Variants in CELF2 observed in about 807,000 individuals in gnomAD.
CELF2 encodes the protein CUGBP Elav-like family member 2.
In CELF2, 8 loss-of-function variants were observed where a neutral mutation model predicts 62.6. That is an observed-to-expected ratio of 0.13 (90% CI 0.07 to 0.23). The LOEUF (loss-of-function observed/expected upper bound fraction) is 0.23. Ranked by LOEUF, CELF2 falls within the 10% of genes least tolerant of loss-of-function variation. The pLI is 1.00. For synonymous variants in CELF2, 258 were observed against 250.0 expected (o/e 1.03, Z -0.30); for missense variants, 333 against 671.0 (o/e 0.50, Z 5.56).
upstream of CELF2, among the ~76,000 whole-genome samples, chr10:10,796,367 A>G (rs150063532): frequency 7.0e-4 from 106 of 152,342 alleles, no homozygotes; most frequent in African/African-American, 2.4e-3. Flanking sequence ...CTGTTTCTGT[A>G]CTTGGGCTTG....
At chr10:11,063,436 G>C (rs1271940534) in intron 1 of CELF2, among the ~76,000 whole-genome samples, 2 of 152,194 alleles carry the variant, frequency 1.3e-5, no homozygotes, top group South Asian at 2.1e-4. Context: ...ATTGAAACTA[G>C]AGAATTTTAA....
the CELF2 span, among the ~76,000 whole-genome samples, chr10:10,790,582 C>T: frequency 6.6e-5 from 10 of 152,040 alleles, no homozygotes; most frequent in Non-Finnish European, 1.0e-4. Context: ...AAAGATATTA[C>T]GGCAAGCAAG....
the CELF2 span, among the ~76,000 whole-genome samples, chr10:10,540,160 G>A: frequency 6.6e-6 from 1 of 152,310 alleles, no homozygotes; most frequent in Non-Finnish European, 1.5e-5. Context: ...AGATGAAAAG[G>A]GACTTCAAAG....
In CELF2 at chr10:11,117,935, A is replaced by G. The variant is rs936951576; in HGVS notation, c.75-47551A>G. On this transcript the variant is annotated intron_variant, in intron 1 of 12. Transcript: ENST00000633077. This position sits in a 1 kb window ranked among gnomAD's most constrained non-coding sequence, Gnocchi z 4.1. Reference sequence around the variant, plus strand: ...TTATAAGGCAGAATGCTTTGAATGCATTCTGCCTCAAAAGGCATTTTGCTC... The same window carrying G: ...TTATAAGGCAGAATGCTTTGAATGCGTTCTGCCTCAAAAGGCATTTTGCTC... Among the ~76,000 whole-genome samples, 1 of 152,188 alleles carries G rather than the reference A, an allele frequency of 6.6e-6. No homozygotes were observed. The highest frequency in any genetic ancestry group is 1.9e-4 in the East Asian group (1 of 5,196).
the CELF2 span, among the ~76,000 whole-genome samples, chr10:10,615,885 T>A: frequency 1.3e-5 from 2 of 152,110 alleles, no homozygotes; most frequent in African/African-American, 4.8e-5. Flanking sequence ...AGTGCAAGAA[T>A]GAACTAATAT....
intron 12 of CELF2, among the ~76,000 whole-genome samples, chr10:11,326,359 T>A (rs2095726669): frequency 6.6e-6 from 1 of 152,234 alleles, no homozygotes; most frequent in Non-Finnish European, 1.5e-5. Flanking sequence ...CAGACACCCA[T>A]TCATCAGCAC....
chr10:11,320,167 T>C (rs911679263), intron 10 of CELF2, among the ~76,000 whole-genome samples: 3 of 152,194 alleles, frequency 2.0e-5, no homozygotes, highest in African/African-American at 7.2e-5. Context: ...TGAGTTGATA[T>C]GAAAGTTAGC....
At chr10:11,152,364 T>C (rs1250845236) in intron 1 of CELF2, among the ~76,000 whole-genome samples, 1 of 152,134 alleles carries the variant, frequency 6.6e-6, no homozygotes, top group Non-Finnish European at 1.5e-5. Flanking sequence ...CATTGTGTTC[T>C]GAACACAGTG....
rs80079324 is a variant in CELF2, at chr10:11,103,714, C to A, written c.75-61772C>A. Among the ~76,000 whole-genome samples, 1,371 of 152,114 alleles carry A rather than the reference C, an allele frequency of 9.0e-3. 18 individuals carry two copies. Among genetic ancestry groups the A allele is most frequent in the African/African-American group, 0.032 (1,313 of 41,462 alleles). ...CAGGGGTGGTATTGGTTATATTTGT[C>A]CTTCCCTCAAGATTGAGTTCTGATT... On this transcript the variant is annotated intron_variant, in intron 1 of 12. Transcript: ENST00000633077.
chr10:11,180,375 G>A (rs1334766326), intron 2 of CELF2, among the ~76,000 whole-genome samples: 2 of 152,292 alleles, frequency 1.3e-5, no homozygotes, highest in South Asian at 4.1e-4. Flanking sequence ...TAGACTAAGG[G>A]TTGACTTCCC....
At chr10:11,072,114 A>G (rs2070238093) in intron 1 of CELF2, among the ~76,000 whole-genome samples, 1 of 152,192 alleles carries the variant, frequency 6.6e-6, no homozygotes, top group Admixed American at 6.5e-5. Flanking sequence ...GAAACAGAGG[A>G]AAGTTGATAG....
the CELF2 span, among the ~76,000 whole-genome samples, chr10:10,623,457 G>T: frequency 6.6e-6 from 1 of 152,152 alleles, no homozygotes; most frequent in Non-Finnish European, 1.5e-5. Flanking sequence ...TGTCATGCTG[G>T]CAGTATTTGA....
chr10:10,464,889 T>A, the CELF2 span, among the ~76,000 whole-genome samples: 1 of 152,156 alleles, frequency 6.6e-6, no homozygotes, highest in Non-Finnish European at 1.5e-5. Flanking sequence ...TCCTTTTACC[T>A]AAGGATACGT....
chr10:10,575,713 G>T, the CELF2 span, among the ~76,000 whole-genome samples: 3 of 152,164 alleles, frequency 2.0e-5, no homozygotes, highest in Non-Finnish European at 4.4e-5. Context: ...ATTAAAACAG[G>T]TTTGGTGCAG....
intron 1 of CELF2, among the ~76,000 whole-genome samples, chr10:11,022,603 C>G (rs1388068651): frequency 6.6e-6 from 1 of 151,948 alleles, no homozygotes; most frequent in East Asian, 1.9e-4. Context: ...ACTGCAATAT[C>G]CTTAGCTTTT....
rs556187743 is a variant in CELF2 at position 11,324,080 on chromosome 10, G to A, written c.1295-1756G>A. 7.9e-5 allele frequency among the ~76,000 whole-genome samples: 12 copies of A among 152,226 alleles called. No individual in the cohort carries two copies. Among genetic ancestry groups the A allele is most frequent in the South Asian group, 2.1e-4 (1 of 4,816 alleles). ...AAAAGGACAAAACCTACTTGTGTGC[G>A]TTTACTGGTCTCTCTGTTTCCTTGG... is the stretch of plus-strand genomic sequence containing the variant. On this transcript the variant is annotated intron_variant, in intron 11 of 12. Transcript: ENST00000633077. The surrounding 1 kb of genome is among the most constrained non-coding windows in gnomAD (Gnocchi z 4.7).
the CELF2 span, among the ~76,000 whole-genome samples, chr10:10,551,010 A>G: frequency 3.3e-5 from 5 of 152,236 alleles, no homozygotes; most frequent in African/African-American, 1.2e-4. Context: ...CTACTTCTTA[A>G]TTCAGTCCAA....
intron 1 of CELF2, among the ~76,000 whole-genome samples, chr10:10,907,792 G>A (rs2063466926): frequency 6.6e-6 from 1 of 152,140 alleles, no homozygotes; most frequent in Admixed American, 6.5e-5. Flanking sequence ...TAAAATGAGA[G>A]ATTTGGACAT....
intron 1 of CELF2, among the ~76,000 whole-genome samples, chr10:10,844,813 A>C (rs1253144700): frequency 1.3e-5 from 2 of 152,130 alleles, no homozygotes; most frequent in Admixed American, 6.5e-5. Context: ...AAAGGAACAG[A>C]AAATTTGAAA....
Sources: gnomAD v4.1 joint callset for allele counts (sites outside exome capture counted in the v4.1 genomes callset) on GRCh38, gnomAD v4.1.1 for gene constraint, Gnocchi (gnomAD v3.1) non-coding constraint, MANE v1.5 for transcripts, NCBI Gene and HGNC (gene_info 2026-07-23, HGNC 2026-07-21) for gene names.